Variants in ZNF232 observed in about 807,000 individuals in gnomAD.
ZNF232 encodes zinc finger protein 232.
Under a neutral mutation model 25.2 loss-of-function variants are expected in ZNF232, and 25 were observed. The observed-to-expected ratio is 0.99, with a 90% confidence interval of 0.72 to 1.39. The LOEUF (loss-of-function observed/expected upper bound fraction) is 1.39. Ranked by LOEUF, ZNF232 falls within the 40% of genes most tolerant of loss-of-function variation. The pLI is 0.00. For synonymous variants in ZNF232, 193 were observed against 182.9 expected (o/e 1.06, Z -0.45); for missense variants, 519 against 520.9 (o/e 1.00, Z 0.04).
intron 1 of ZNF232, chr17:5,120,500 G>A: frequency 3.1e-6 from 1 of 327,018 alleles, no homozygotes; most frequent in Non-Finnish European, 5.9e-6. Flanking sequence ...AGGAGCTGTT[G>A]GCCTATCTGT....
chr17:5,115,613 G>A (rs2072516760), upstream of ZNF232, among the ~76,000 whole-genome samples: 2 of 150,420 alleles, frequency 1.3e-5, no homozygotes, highest in African/African-American at 2.5e-5. Context: ...CTGTATTCCA[G>A]AGGGATTGAT....
At chr17:5,106,287 A>T (rs767055700) in exon 4 of ZNF232, 1 of 1,614,264 alleles carries the variant, frequency 6.2e-7, no homozygotes, top group South Asian at 1.1e-5. Context: ...CTTATGGATG[A>T]CAACCATCTG....
intron 1 of ZNF232, chr17:5,120,870 C>T (rs1004277715): frequency 2.4e-5 from 11 of 454,408 alleles, no homozygotes; most frequent in Non-Finnish European, 4.4e-5. Context: ...CTGGCAGATC[C>T]ACAGGCTGTC....
chr17:5,110,193 CCTCTT>C (rs1281103885), intron 1 of ZNF232, among the ~76,000 whole-genome samples: 1 of 134,902 alleles, frequency 7.4e-6, no homozygotes, highest in Non-Finnish European at 1.7e-5. Context: ...CGCCCGTCCT[CCTCTT>C]CTTTTTTCAT....
At chr17:5,117,544 A>G (rs923965671) in intron 1 of ZNF232, among the ~76,000 whole-genome samples, 7 of 151,674 alleles carry the variant, frequency 4.6e-5, no homozygotes, top group African/African-American at 1.7e-4. Context: ...CTCAATAAAT[A>G]TTTACAGCAC....
At chr17:5,109,974 C>T in intron 1 of ZNF232, 106 bp from the exon 2 acceptor site, 1 of 1,127,340 alleles carries the variant, frequency 8.9e-7, no homozygotes, top group East Asian at 2.6e-5. Context: ...ACTGCAACCT[C>T]CACCCCCGGG....
chr17:5,107,551 T>C (rs1375134134), intron 3 of ZNF232, among the ~76,000 whole-genome samples: 1 of 145,138 alleles, frequency 6.9e-6, no homozygotes, highest in Non-Finnish European at 1.5e-5. Flanking sequence ...GACTTTTTTT[T>C]TTTTTTTGAC....
chr17:5,109,902 T>A, intron 1 of ZNF232, 34 bp from the exon 2 acceptor site: 1 of 1,548,070 alleles, frequency 6.5e-7, no homozygotes, highest in Non-Finnish European at 8.7e-7. Flanking sequence ...CCTCTTTTTT[T>A]TTTTTAAGAC....
At chr17:5,114,614 G>A (rs1467264135), upstream of ZNF232, 1 of 152,336 alleles carries the variant, frequency 6.6e-6, no homozygotes, top group Non-Finnish European at 1.5e-5. Flanking sequence ...TGGATCAGCT[G>A]GGCTCAGGAG....
In ZNF232 at chr17:5,108,914, C is replaced by T; in HGVS notation, c.625+12G>A. ...TTTCTCCTCTCCCTCCCCACAGAAT[C>T]CTGCTCCTCACCACTCTTTGGGAAA... On this transcript the variant is annotated intron_variant, in intron 3 of 3. Transcript: ENST00000575898. 1 of 1,613,914 alleles carries T rather than the reference C, an allele frequency of 6.2e-7. No homozygotes were observed. The highest frequency in any genetic ancestry group is 1.3e-5 in the African/African-American group (1 of 75,020).
intron 1 of ZNF232, among the ~76,000 whole-genome samples, chr17:5,119,231 C>T (rs2072598508): frequency 6.6e-6 from 1 of 152,180 alleles, no homozygotes; most frequent in South Asian, 2.1e-4. Flanking sequence ...TGTTTAAAAT[C>T]TTATGAAGGC....
At chr17:5,109,121 C>T (rs1021192687) in intron 2 of ZNF232, 69 bp from the exon 3 acceptor site, 2 of 1,603,782 alleles carry the variant, frequency 1.2e-6, no homozygotes, top group African/African-American at 2.7e-5. Context: ...TGTCCCCTGC[C>T]TGGACACTTG....
In ZNF232 at chr17:5,109,877, TAAG is replaced by T; in HGVS notation, c.24-12_24-10del. 6.3e-7 allele frequency: 1 copy of T among 1,578,128 alleles called. No homozygotes were observed. Among genetic ancestry groups the T allele is most frequent in the African/African-American group, 1.4e-5 (1 of 72,706 alleles). On this transcript the variant is annotated splice_polypyrimidine_tract_variant and intron_variant, in intron 1 of 3. Transcript: ENST00000575898. The stretch of plus-strand genomic sequence containing the variant: ...AATCTTGCAAGGGCCCCCTGTAACA[TAAG>T]AAGAAATCATTCCTCTTTTTTTTTT...
At chr17:5,108,305 C>A (rs143197342) in intron 3 of ZNF232, among the ~76,000 whole-genome samples, 9 of 152,038 alleles carry the variant, frequency 5.9e-5, no homozygotes, top group Non-Finnish European at 1.0e-4. Context: ...TAGTGTTCGC[C>A]GCTGGGAGAG....
chr17:5,111,935 TTCCG>T (rs1208247921), upstream of ZNF232: 1 of 1,464,640 alleles, frequency 6.8e-7, no homozygotes, highest in African/African-American at 1.4e-5. Context: ...CGCCGCCGGC[TTCCG>T]TTCGCGGACT....
At chr17:5,119,718 A>G (rs767811286) in intron 1 of ZNF232, among the ~76,000 whole-genome samples, 17 of 152,188 alleles carry the variant, frequency 1.1e-4, no homozygotes, top group Non-Finnish European at 2.4e-4. Context: ...TAATTATTAT[A>G]ATTAATTATA....
At chr17:5,111,629 G>GACGCA (rs1394009927) in intron 1 of ZNF232, 171 bp downstream of exon 1, 6 of 932,714 alleles carry the variant, frequency 6.4e-6, no homozygotes, top group South Asian at 3.2e-5. Flanking sequence ...CACGTGACGC[G>GACGCA]ACGCAACGCA....
At chr17:5,118,133 T>C (rs1314476193) in intron 1 of ZNF232, 1 of 152,272 alleles carries the variant, frequency 6.6e-6, no homozygotes, top group Non-Finnish European at 1.5e-5. Flanking sequence ...CATTCACTTA[T>C]TCTACCATAG....
intron 1 of ZNF232, chr17:5,111,554 C>G: frequency 5.1e-6 from 3 of 583,154 alleles, no homozygotes; most frequent in Non-Finnish European, 5.9e-6. Context: ...CCCCTTCCCA[C>G]CCTTCACTCC....
Sources: gnomAD v4.1 joint callset for allele counts (sites outside exome capture counted in the v4.1 genomes callset) on GRCh38, gnomAD v4.1.1 for gene constraint, MANE v1.5 for transcripts, NCBI Gene and HGNC (gene_info 2026-07-23, HGNC 2026-07-21) for gene names.